The following PDE4C variants were observed in gnomAD, a reference collection of about 807,000 sequenced individuals.
PDE4C encodes 3',5'-cyclic-AMP phosphodiesterase 4C.
A neutral mutation model predicts 63.9 loss-of-function variants in PDE4C; 50 were observed. That is an observed-to-expected ratio of 0.78 (90% CI 0.62 to 0.99). The LOEUF is 0.99. Ranked by LOEUF, PDE4C falls within the 50% of genes least tolerant of loss-of-function variation. PDE4C has a pLI of 0.00. For missense variants in PDE4C, 777 were observed against 899.1 expected (o/e 0.86, Z 1.74); for synonymous variants, 377 against 385.1 (o/e 0.98, Z 0.25).
At chr19:18,229,708 C>T (rs1399785099), upstream of PDE4C, among the ~76,000 whole-genome samples, 3 of 152,054 alleles carry the variant, frequency 2.0e-5, no homozygotes, top group African/African-American at 2.4e-5. Context: ...GGGGAGATGA[C>T]TTGCCCAAGT....
upstream of PDE4C, among the ~76,000 whole-genome samples, chr19:18,250,747 C>T (rs1969220476): frequency 6.6e-6 from 1 of 151,768 alleles, no homozygotes; most frequent in African/African-American, 2.4e-5. Flanking sequence ...GCTAGGATTA[C>T]AGGCATGCAC....
chr19:18,227,813 T>C (rs562814331), upstream of PDE4C, among the ~76,000 whole-genome samples: 2 of 152,110 alleles, frequency 1.3e-5, no homozygotes, highest in South Asian at 4.1e-4. Context: ...ATGGTACCCA[T>C]GTTTCTGGCA....
upstream of PDE4C, chr19:18,236,964 G>A (rs546078529): frequency 5.7e-4 from 87 of 152,924 alleles, no homozygotes; most frequent in South Asian, 1.0e-3. Flanking sequence ...GCTCGGCAGC[G>A]ATGGCAGCAA....
exon 3 of PDE4C, chr19:18,221,288 C>T (rs1224476159): frequency 7.1e-6 from 11 of 1,541,248 alleles, no homozygotes; most frequent in South Asian, 1.2e-5. Context: ...CAATCATGTC[C>T]TCTCCATGTC....
At chr19:18,226,174 G>A (rs1221899909) in intron 1 of PDE4C, 96 bp downstream of exon 1, 3 of 1,011,934 alleles carry the variant, frequency 3.0e-6, no homozygotes, top group East Asian at 2.9e-5. Context: ...CTCCGGCCCC[G>A]GCCCCAGCTG....
At chr19:18,241,215 A>G (rs1031913136) in intron 1 of PDE4C, among the ~76,000 whole-genome samples, 3 of 123,484 alleles carry the variant, frequency 2.4e-5, no homozygotes, top group Non-Finnish European at 5.2e-5. Context: ...TCAGCTGCTC[A>G]TTTTCTTTTT....
chr19:18,233,490 A>G (rs1968895625), exon 1 of PDE4C: 1 of 650,320 alleles, frequency 1.5e-6, no homozygotes, highest in Non-Finnish European at 2.8e-6. Context: ...CAGCCCCGAA[A>G]ACCGTCTGCC....
chr19:18,222,801 G>C (rs1303100128), intron 1 of PDE4C, among the ~76,000 whole-genome samples: 2 of 137,582 alleles, frequency 1.5e-5, no homozygotes, highest in Non-Finnish European at 3.0e-5. Context: ...CTAAGCTCAA[G>C]CCATCCTCCA....
At chr19:18,212,367 G>A (rs980106715) in intron 13 of PDE4C, among the ~76,000 whole-genome samples, 6 of 151,856 alleles carry the variant, frequency 4.0e-5, no homozygotes, top group Non-Finnish European at 8.8e-5. Context: ...TATTTTTGTA[G>A]AGACGGGGTG....
At chr19:18,241,273 T>G (rs1969032363) in intron 1 of PDE4C, among the ~76,000 whole-genome samples, 1 of 114,428 alleles carries the variant, frequency 8.7e-6, no homozygotes, top group Non-Finnish European at 1.8e-5. Context: ...TTTTTTTTTT[T>G]TTTTTTTTTT....
Position 18,221,310 on chromosome 19 carries a change from G to A in PDE4C, c.339-13C>T, listed in dbSNP as rs772793356. 9 of 1,537,440 alleles carry A rather than the reference G, an allele frequency of 5.9e-6. No individual in the cohort carries two copies. In the South Asian group the frequency reaches 8.6e-5, roughly 15 times the overall value. On this transcript the variant is annotated splice_polypyrimidine_tract_variant and intron_variant, in intron 2 of 14. Coordinates refer to ENST00000262805, the Ensembl canonical transcript of PDE4C. Reference sequence around the variant, plus strand: ...GTCCTCTCCATGTCTGCGAGGAGACGGGCCATCAGGGAGAGCTCTCTCCCA... The same window carrying A: ...GTCCTCTCCATGTCTGCGAGGAGACAGGCCATCAGGGAGAGCTCTCTCCCA...
At chr19:18,219,164 G>T (rs1968348143) in intron 8 of PDE4C, 70 bp downstream of exon 8, 2 of 1,606,398 alleles carry the variant, frequency 1.2e-6, no homozygotes, top group Non-Finnish European at 1.7e-6. Flanking sequence ...GGGCAAACAG[G>T]CCCGAGATAG....
chr19:18,247,780 G>A (rs761874176), intron 1 of PDE4C, among the ~76,000 whole-genome samples: 2 of 152,108 alleles, frequency 1.3e-5, no homozygotes, highest in African/African-American at 4.8e-5. Flanking sequence ...GCCCAGGTAC[G>A]GCCCTGTGGG....
Position 18,222,326 on chromosome 19 carries a change from G to A in PDE4C, c.147-3C>T. The A allele has an allele frequency of 1.2e-6, 2 of 1,606,866 alleles. No homozygotes were observed. Among genetic ancestry groups the A allele is most frequent in the Non-Finnish European group, 1.7e-6 (2 of 1,176,318 alleles). ...AGAGCCCATTTTCCAGGTCAAAGCT[G>A]AAAGGAGAGACGGCATGGTCAGAGA... On this transcript the variant is annotated splice_region_variant and splice_polypyrimidine_tract_variant and intron_variant, in intron 1 of 14. Transcript: ENST00000262805.
upstream of PDE4C, among the ~76,000 whole-genome samples, chr19:18,252,628 C>A (rs201202526): frequency 2.1e-5 from 3 of 144,150 alleles, no homozygotes; most frequent in Non-Finnish European, 4.6e-5. Flanking sequence ...TTTTTTTTTT[C>A]TTTTTTTGAG....
exon 13 of PDE4C, chr19:18,213,462 A>G: frequency 6.2e-7 from 1 of 1,613,118 alleles, no homozygotes; most frequent in Non-Finnish European, 8.5e-7. Flanking sequence ...CAGGAGGTTC[A>G]TGTGTTTGGA....
exon 11 of PDE4C, chr19:18,218,161 G>T: frequency 6.2e-7 from 1 of 1,613,744 alleles, no homozygotes; most frequent in East Asian, 2.2e-5. Context: ...GTGTTAATCA[G>T]AAACTGGTTG....
chr19:18,233,339 G>T, exon 1 of PDE4C: 1 of 1,127,012 alleles, frequency 8.9e-7, no homozygotes, highest in Non-Finnish European at 1.3e-6. Flanking sequence ...TGAAGCGGTA[G>T]AAGGTGGAAC....
chr19:18,232,374 CG>C (rs1568264486), intron 1 of PDE4C, among the ~76,000 whole-genome samples: 113,298 of 149,920 alleles, frequency 0.76, 43,621 homozygotes, highest in African/African-American at 0.92. Context: ...AAAATAAAAA[CG>C]TGTGTGTGTG....
Sources: gnomAD v4.1 joint callset for allele counts (sites outside exome capture counted in the v4.1 genomes callset) on GRCh38, gnomAD v4.1.1 for gene constraint, MANE v1.5 for transcripts, NCBI Gene and HGNC (gene_info 2026-07-23, HGNC 2026-07-21) for gene names.